FOXP2: variants seen among roughly 807,000 people sequenced by gnomAD.
FOXP2 encodes forkhead box P2.
A neutral mutation model predicts 115.8 loss-of-function variants in FOXP2; 12 were observed. The ratio of observed to expected loss-of-function variants is 0.10; its 90% CI spans 0.07 to 0.17. The LOEUF is 0.17. Ranked by LOEUF, FOXP2 falls within the 10% of genes least tolerant of loss-of-function variation. The pLI is 1.00. For synonymous variants in FOXP2, 328 were observed against 297.7 expected, an observed-to-expected ratio of 1.10 and a Z score of -1.05; for missense variants, 629 against 843.5, an observed-to-expected ratio of 0.75 and a Z score of 3.15.
At chr7:114,631,334 C>G (rs2129328150) in intron 5 of FOXP2, among the ~76,000 whole-genome samples, 194 bp from the exon 6 acceptor site, 1 of 152,216 alleles carries the variant, frequency 6.6e-6, no homozygotes, top group East Asian at 1.9e-4. Flanking sequence ...CCTTGGTTCT[C>G]TAACACGATT....
chr7:114,622,549 T>C (rs1239670448), intron 3 of FOXP2, among the ~76,000 whole-genome samples: 2 of 151,946 alleles, frequency 1.3e-5, no homozygotes, highest in Non-Finnish European at 2.9e-5. Flanking sequence ...TAGTGTCTTT[T>C]GCTGCCTTTT....
intron 2 of FOXP2, among the ~76,000 whole-genome samples, chr7:114,306,480 C>T (rs1292117847): frequency 1.3e-5 from 2 of 152,142 alleles, no homozygotes; most frequent in Non-Finnish European, 2.9e-5. Context: ...ACTGCAAACA[C>T]AACCCTAAGA....
At chr7:114,396,441 T>C (rs886928550) in intron 2 of FOXP2, among the ~76,000 whole-genome samples, 2 of 152,158 alleles carry the variant, frequency 1.3e-5, no homozygotes, top group African/African-American at 4.8e-5. Context: ...TTGTGAACAG[T>C]GCTGCAATAA....
chr7:114,559,306 A>T (rs996861186), intron 3 of FOXP2, among the ~76,000 whole-genome samples: 3 of 152,150 alleles, frequency 2.0e-5, no homozygotes, highest in African/African-American at 7.2e-5. Context: ...ACAGGTGTAG[A>T]TCTTAGCCTG....
chr7:114,626,230 G>GA (rs1354167664), intron 3 of FOXP2, among the ~76,000 whole-genome samples: 1 of 151,618 alleles, frequency 6.6e-6, no homozygotes, highest in Admixed American at 6.6e-5. Flanking sequence ...AGAATATGAA[G>GA]ATAGAAAACT....
At chr7:114,198,423 A>G (rs1041312547) in intron 1 of FOXP2, among the ~76,000 whole-genome samples, 1 of 152,120 alleles carries the variant, frequency 6.6e-6, no homozygotes, top group Non-Finnish European at 1.5e-5. Context: ...CAAGAATGCT[A>G]TAGGGGGGTA....
intron 3 of FOXP2, among the ~76,000 whole-genome samples, chr7:114,587,298 A>C (rs913073657): frequency 1.1e-4 from 16 of 150,984 alleles, no homozygotes; most frequent in African/African-American, 3.7e-4. Flanking sequence ...TCATTCTTCA[A>C]CTCCCACTTA....
At chr7:114,617,342 T>G (rs1432914216) in intron 3 of FOXP2, among the ~76,000 whole-genome samples, 2 of 152,204 alleles carry the variant, frequency 1.3e-5, no homozygotes, top group African/African-American at 4.8e-5. Context: ...TAAACATCTC[T>G]CAAATGCTCC....
chr7:114,479,886 T>C (rs1322530070), intron 2 of FOXP2, among the ~76,000 whole-genome samples: 1 of 151,474 alleles, frequency 6.6e-6, no homozygotes, highest in Non-Finnish European at 1.5e-5. Flanking sequence ...ACACTAGACA[T>C]AGTGCTTATT....
At chr7:114,563,530 G>A (rs1175845409) in intron 3 of FOXP2, among the ~76,000 whole-genome samples, 1 of 152,114 alleles carries the variant, frequency 6.6e-6, no homozygotes, top group Non-Finnish European at 1.5e-5. Flanking sequence ...GAAGTTGAAT[G>A]CCACCATCAT....
rs1348108823 is a variant in FOXP2 at position 114,693,470 on chromosome 7, A to C, written c.*3544A>C. The stretch of plus-strand genomic sequence containing the variant: ...TGAGAATTTTGAGACTTCATCTTAC[A>C]CATGCCAGTATTAACACACATTTGG... On this transcript the variant is annotated 3_prime_UTR_variant, in exon 17 of 17. Coordinates refer to ENST00000350908, the MANE Select transcript of FOXP2 (RefSeq NM_014491.4). 2.2e-6 allele frequency: 1 copy of C among 453,208 alleles called. No homozygotes were observed. Among genetic ancestry groups the C allele is most frequent in the Non-Finnish European group, 4.4e-6 (1 of 226,416 alleles). 28.1% of individuals were successfully genotyped at this position (453,208 alleles called of 1,614,324 possible). A position where few individuals can be genotyped will look rare whatever the true frequency, so the allele number is the denominator to read the frequency against.
rs568785347 is a variant in FOXP2, at chr7:114,498,664, A to G, written c.169-35953A>G. On this transcript the variant is annotated intron_variant, in intron 2 of 16. Coordinates refer to ENST00000350908, the MANE Select transcript of FOXP2 (RefSeq NM_014491.4). ...ATCTTAATAGGTAACTATCTAATTAATAACAGAAAAATATTCTTATACCAA... is the reference window on the plus strand; with the variant it reads ...ATCTTAATAGGTAACTATCTAATTAGTAACAGAAAAATATTCTTATACCAA... Among the ~76,000 whole-genome samples, 29 of 152,350 alleles carry G rather than the reference A, an allele frequency of 1.9e-4. No homozygotes were observed. The South Asian group carries it at 4.3e-3, about 23-fold the overall frequency.
chr7:114,257,061 T>G (rs1333623629), intron 1 of FOXP2, among the ~76,000 whole-genome samples: 1 of 152,162 alleles, frequency 6.6e-6, no homozygotes, highest in Admixed American at 6.5e-5. Context: ...AAGGCTACAG[T>G]AAACAAAACA....
chr7:114,647,784 C>G (rs182841334), intron 8 of FOXP2, among the ~76,000 whole-genome samples: 41 of 152,118 alleles, frequency 2.7e-4, no homozygotes, highest in African/African-American at 9.4e-4. Flanking sequence ...GGAACTAAGT[C>G]AGCTTGAATA....
intron 2 of FOXP2, among the ~76,000 whole-genome samples, chr7:114,395,718 A>G (rs575916031): frequency 2.6e-5 from 4 of 152,174 alleles, no homozygotes; most frequent in East Asian, 1.9e-4. Flanking sequence ...TGAAAATCAT[A>G]TAGTATTTGT....
intron 2 of FOXP2, among the ~76,000 whole-genome samples, chr7:114,363,785 A>G (rs1453481756): frequency 1.3e-5 from 2 of 152,100 alleles, no homozygotes; most frequent in African/African-American, 4.8e-5. Flanking sequence ...GCCTTCTTTC[A>G]TATCCCTTCC....
intron 1 of FOXP2, among the ~76,000 whole-genome samples, chr7:114,247,443 A>G (rs1287950573): frequency 6.6e-6 from 1 of 152,080 alleles, no homozygotes. Flanking sequence ...TCACACACTC[A>G]GTTAGTGACA....
chr7:114,329,099 A>T, intron 2 of FOXP2, among the ~76,000 whole-genome samples: 1 of 152,254 alleles, frequency 6.6e-6, no homozygotes, highest in East Asian at 1.9e-4. Flanking sequence ...GGTCTGCTTA[A>T]AAAATGGATC....
chr7:114,225,069 ATAATC>A (rs1241971272), intron 1 of FOXP2, among the ~76,000 whole-genome samples: 2 of 152,130 alleles, frequency 1.3e-5, no homozygotes, highest in African/African-American at 4.8e-5. Flanking sequence ...ATTATAATAT[ATAATC>A]TATTATTTTT....
Sources: allele counts gnomAD v4.1 joint callset (sites outside exome capture counted in the v4.1 genomes callset), GRCh38; gene constraint gnomAD v4.1.1; transcripts MANE v1.5; gene names NCBI Gene and HGNC (gene_info 2026-07-23, HGNC 2026-07-21).